PCDHGB4: variants seen among roughly 807,000 people sequenced by gnomAD.
The protein encoded by PCDHGB4 is protocadherin gamma-B4.
Under a neutral mutation model 60.5 loss-of-function variants are expected in PCDHGB4, and 38 were observed. The observed-to-expected ratio is 0.63, with a 90% confidence interval of 0.48 to 0.82. PCDHGB4 has a LOEUF of 0.82. PCDHGB4 is among the 40% of genes least tolerant of loss of function. The pLI, the probability that PCDHGB4 is intolerant of heterozygous loss-of-function variation, is 0.00. For synonymous variants in PCDHGB4, 456 were observed against 509.7 expected, an observed-to-expected ratio of 0.89 and a Z score of 1.42; for missense variants, 1,109 against 1,209.6, an observed-to-expected ratio of 0.92 and a Z score of 1.23.
In PCDHGB4 at chr5:141,398,596, G is replaced by A. The variant is rs201846904; in HGVS notation, c.2397+8315G>A. 1,173 of 1,614,034 alleles carry A rather than the reference G, an allele frequency of 7.3e-4. 1 individual carries two copies. Among genetic ancestry groups the A allele is most frequent in the Non-Finnish European group, 9.3e-4 (1,101 of 1,179,898 alleles). ...TGGCACAAGATTTATACTAGAAGTA[G>A]CAGAAGATGCAGATATTGGCTTAAA... is the stretch of plus-strand genomic sequence containing the variant. On this transcript the variant is annotated intron_variant, in intron 1 of 3. Transcript: ENST00000519479.
chr5:141,424,786 T>G (rs1219509852), intron 1 of PCDHGB4: 1 of 152,210 alleles, frequency 6.6e-6, no homozygotes, highest in Non-Finnish European at 1.5e-5. Flanking sequence ...ATTCAGTTCT[T>G]TTATTCAGAC....
At position 141,489,264 on chromosome 5, in the gene PCDHGB4, G is replaced by T. The variant is rs1314393358; in HGVS notation, c.2398-5543G>T. 10 of 1,553,088 alleles carry T rather than the reference G, an allele frequency of 6.4e-6. No individual in the cohort carries two copies. Among genetic ancestry groups the T allele is most frequent in the Non-Finnish European group, 7.0e-6 (8 of 1,149,620 alleles). ...TCATGGGGCCCAAGACACTCCCACA[G>T]CTCGCTGGGAAATGGCAAGTGCTGT... On this transcript the variant is annotated intron_variant, in intron 1 of 3. Transcript: ENST00000519479. The surrounding 1 kb of genome is among the most constrained non-coding windows in gnomAD (Gnocchi z 4.5).
chr5:141,401,171 G>T (rs1222326375), intron 1 of PCDHGB4, among the ~76,000 whole-genome samples: 1 of 152,054 alleles, frequency 6.6e-6, no homozygotes, highest in African/African-American at 2.4e-5. Flanking sequence ...GTGAAAACCC[G>T]TCTCTACTAA....
chr5:141,449,078 C>T (rs1342751417), intron 1 of PCDHGB4, among the ~76,000 whole-genome samples: 1 of 152,052 alleles, frequency 6.6e-6, no homozygotes, highest in Non-Finnish European at 1.5e-5. Flanking sequence ...AGCCCTGTAC[C>T]TACATCAGTT....
intron 1 of PCDHGB4, among the ~76,000 whole-genome samples, chr5:141,455,460 A>G (rs1175234914): frequency 1.3e-5 from 2 of 152,186 alleles, no homozygotes; most frequent in Non-Finnish European, 2.9e-5. Flanking sequence ...GATACCAGCC[A>G]GGTATATATG....
At chr5:141,404,123 T>A (rs1477938356) in intron 1 of PCDHGB4, 4 of 1,613,394 alleles carry the variant, frequency 2.5e-6, no homozygotes, top group Admixed American at 1.7e-5. Context: ...GGAGAATCTA[T>A]CTTTTACATT....
intron 1 of PCDHGB4, chr5:141,402,800 C>A: frequency 9.3e-7 from 1 of 1,072,728 alleles, no homozygotes; most frequent in Non-Finnish European, 1.3e-6. Flanking sequence ...ACACAAAACC[C>A]GGCAGATACC....
chr5:141,398,587 C>T, intron 1 of PCDHGB4: 5 of 1,613,860 alleles, frequency 3.1e-6, no homozygotes, highest in Non-Finnish European at 3.4e-6. Context: ...AAGATTTATA[C>T]TAGAAGTAGC....
At chr5:141,418,310 G>A in intron 1 of PCDHGB4, 1 of 1,613,990 alleles carries the variant, frequency 6.2e-7, no homozygotes, top group Non-Finnish European at 8.5e-7. Context: ...CCTGGGGATG[G>A]GAACAATTCT....
intron 1 of PCDHGB4, chr5:141,394,322 G>A (rs1438978424): frequency 1.9e-6 from 3 of 1,613,842 alleles, no homozygotes; most frequent in African/African-American, 1.3e-5. Flanking sequence ...CCCTGTCCTC[G>A]TATATCTCCA....
At chr5:141,500,929 C>T (rs1347340945) in intron 2 of PCDHGB4, among the ~76,000 whole-genome samples, 2 of 151,210 alleles carry the variant, frequency 1.3e-5, no homozygotes, top group South Asian at 2.1e-4. Flanking sequence ...GGTGCAGTGG[C>T]GCCATCTCGG....
At chr5:141,398,878 C>T in intron 1 of PCDHGB4, 2 of 1,613,968 alleles carry the variant, frequency 1.2e-6, no homozygotes, top group Non-Finnish European at 1.7e-6. Context: ...CAGAGTCAGC[C>T]TTCGGGAAAA....
chr5:141,447,428 G>A (rs542079336), intron 1 of PCDHGB4, among the ~76,000 whole-genome samples: 4 of 152,182 alleles, frequency 2.6e-5, no homozygotes, highest in East Asian at 1.9e-4. Flanking sequence ...GTGAGCCACC[G>A]CACCCGGAGG....
intron 1 of PCDHGB4, among the ~76,000 whole-genome samples, chr5:141,406,485 G>T (rs2094815755): frequency 6.6e-6 from 1 of 152,142 alleles, no homozygotes; most frequent in Non-Finnish European, 1.5e-5. Flanking sequence ...ATATTTTTCA[G>T]ATCACAAGTG....
chr5:141,404,079 C>G lies in PCDHGB4; in HGVS notation c.2397+13798C>G, dbSNP rs768434673. On this transcript the variant is annotated intron_variant, in intron 1 of 3. Transcript: ENST00000519479. ...CTTTTCAATGCTCATGACCGAGACT[C>G]CGGGAAGAATGGTCAAGTTGTCTGT... 3.1e-6 allele frequency: 5 copies of G among 1,613,568 alleles called. No homozygotes were observed. In the East Asian group the frequency reaches 1.1e-4, roughly 36 times the overall value.
chr5:141,465,273 G>A (rs949271610), intron 1 of PCDHGB4, among the ~76,000 whole-genome samples: 1 of 152,068 alleles, frequency 6.6e-6, no homozygotes, highest in Non-Finnish European at 1.5e-5. Context: ...TAGCCATTTA[G>A]TTCACCCCTA....
rs982627903 is a variant in PCDHGB4, at chr5:141,421,421, T to C, written c.2397+31140T>C. ...CCCCGGGAGCTGGCGAAGCGCGGAGTCCGCATCGTCTCCAGAGGGAAGACA... is the reference window on the plus strand; with the variant it reads ...CCCCGGGAGCTGGCGAAGCGCGGAGCCCGCATCGTCTCCAGAGGGAAGACA... On this transcript the variant is annotated intron_variant, in intron 1 of 3. Coordinates refer to ENST00000519479, the MANE Select transcript of PCDHGB4 (RefSeq NM_003736.4). The C allele has an allele frequency of 6.2e-7, 1 of 1,613,994 alleles. No individual in the cohort carries two copies. The highest frequency in any genetic ancestry group is 1.3e-5 in the African/African-American group (1 of 75,052).
chr5:141,484,763 T>C (rs2099600495), intron 1 of PCDHGB4, among the ~76,000 whole-genome samples: 1 of 151,872 alleles, frequency 6.6e-6, no homozygotes, highest in East Asian at 1.9e-4. Flanking sequence ...TATATATATA[T>C]ATGTTGTCTG....
intron 1 of PCDHGB4, among the ~76,000 whole-genome samples, chr5:141,401,496 C>T (rs909382274): frequency 6.6e-6 from 1 of 152,190 alleles, no homozygotes; most frequent in African/African-American, 2.4e-5. Context: ...GATGCAAAAT[C>T]CTTTTCCACC....
Sources: gnomAD v4.1 joint callset for allele counts (sites outside exome capture counted in the v4.1 genomes callset) on GRCh38, gnomAD v4.1.1 for gene constraint, Gnocchi (gnomAD v3.1) non-coding constraint, MANE v1.5 for transcripts, NCBI Gene and HGNC (gene_info 2026-07-23, HGNC 2026-07-21) for gene names.